SUPT3H: variants seen among roughly 807,000 people sequenced by gnomAD.
SUPT3H encodes the protein SPT3 homolog, SAGA and STAGA complex component.
In SUPT3H, 44 loss-of-function variants were observed where a neutral mutation model predicts 44.3. The ratio of observed to expected loss-of-function variants is 0.99; its 90% CI spans 0.78 to 1.28. The LOEUF (loss-of-function observed/expected upper bound fraction) is 1.28, where lower values mean the gene tolerates loss of function less well. SUPT3H is among the 50% of genes most tolerant of loss of function. The pLI is 0.00. For synonymous variants in SUPT3H, 124 were observed against 125.6 expected, an observed-to-expected ratio of 0.99 and a Z score of 0.09; for missense variants, 380 against 387.1, an observed-to-expected ratio of 0.98 and a Z score of 0.15.
At chr6:45,201,544 G>A (rs1017444896) in intron 2 of SUPT3H, among the ~76,000 whole-genome samples, 5 of 151,618 alleles carry the variant, frequency 3.3e-5, no homozygotes, top group Non-Finnish European at 7.4e-5. Flanking sequence ...GCTGAAAGTG[G>A]AAAAAAACAT....
At chr6:45,265,956 A>G (rs188947313) in intron 2 of SUPT3H, among the ~76,000 whole-genome samples, 7 of 152,216 alleles carry the variant, frequency 4.6e-5, no homozygotes, top group Admixed American at 3.3e-4. Flanking sequence ...GCCCAAATAT[A>G]AGTCACCTTT....
chr6:45,244,865 T>C (rs940520924), intron 2 of SUPT3H, among the ~76,000 whole-genome samples: 7 of 152,168 alleles, frequency 4.6e-5, no homozygotes, highest in Non-Finnish European at 7.4e-5. Context: ...GTTTTCTATG[T>C]GCTTATAATA....
chr6:45,228,557 T>C (rs1584376044), intron 2 of SUPT3H, among the ~76,000 whole-genome samples: 1 of 152,336 alleles, frequency 6.6e-6, no homozygotes, highest in African/African-American at 2.4e-5. Flanking sequence ...CAACTCTTTA[T>C]AATAAATCTC....
intron 2 of SUPT3H, among the ~76,000 whole-genome samples, chr6:45,143,299 T>C (rs564759898): frequency 2.6e-5 from 4 of 152,250 alleles, no homozygotes; most frequent in South Asian, 4.1e-4. Flanking sequence ...GACCATATGA[T>C]AGGCCACAAA....
At chr6:44,848,211 C>T (rs1262412590) in intron 10 of SUPT3H, among the ~76,000 whole-genome samples, 4 of 152,084 alleles carry the variant, frequency 2.6e-5, no homozygotes, top group Middle Eastern at 3.4e-3. Context: ...CTCAAGTGAT[C>T]CACCTGTCTC....
chr6:45,222,640 T>C (rs1766248714), intron 2 of SUPT3H, among the ~76,000 whole-genome samples: 1 of 152,190 alleles, frequency 6.6e-6, no homozygotes. Context: ...TATCAGTTTC[T>C]TTAAAAAATT....
chr6:45,200,755 G>T (rs1380724689), intron 2 of SUPT3H, among the ~76,000 whole-genome samples: 1 of 150,976 alleles, frequency 6.6e-6, no homozygotes, highest in Non-Finnish European at 1.5e-5. Flanking sequence ...TGTAATATAA[G>T]ATTTTTTTTT....
chr6:45,134,638 G>A (rs932573326), intron 2 of SUPT3H, among the ~76,000 whole-genome samples: 1 of 142,272 alleles, frequency 7.0e-6, no homozygotes, highest in African/African-American at 2.5e-5. Flanking sequence ...TGAAGGCATA[G>A]GACAGACATT....
chr6:45,205,031 T>C (rs939916655), intron 2 of SUPT3H, among the ~76,000 whole-genome samples: 2 of 152,192 alleles, frequency 1.3e-5, no homozygotes, highest in African/African-American at 2.4e-5. Flanking sequence ...AGTACTTTCA[T>C]TTTAACTATA....
intron 2 of SUPT3H, among the ~76,000 whole-genome samples, chr6:45,217,277 C>A (rs1348110047): frequency 2.0e-5 from 3 of 151,710 alleles, no homozygotes; most frequent in African/African-American, 7.3e-5. Context: ...GAGTCCAAGA[C>A]CAACCTGACC....
At chr6:44,988,798 AAT>A (rs1780192557) in intron 6 of SUPT3H, among the ~76,000 whole-genome samples, 1 of 152,108 alleles carries the variant, frequency 6.6e-6, no homozygotes, top group Admixed American at 6.6e-5. Flanking sequence ...TGCTTCCACT[AAT>A]ATGAGATTGT....
intron 3 of SUPT3H, among the ~76,000 whole-genome samples, chr6:45,073,409 A>G (rs1346909654): frequency 6.6e-6 from 1 of 152,070 alleles, no homozygotes; most frequent in Non-Finnish European, 1.5e-5. Flanking sequence ...TGGAAAGCTC[A>G]GAAAATACAA....
At chr6:45,031,190 TAAAA>T (rs1373848122) in intron 3 of SUPT3H, among the ~76,000 whole-genome samples, 1 of 152,142 alleles carries the variant, frequency 6.6e-6, no homozygotes, top group Non-Finnish European at 1.5e-5. Context: ...GAAGAACTCA[TAAAA>T]AAGTTTATAA....
chr6:44,836,506 T>G (rs1422556968), intron 10 of SUPT3H, among the ~76,000 whole-genome samples: 1 of 152,144 alleles, frequency 6.6e-6, no homozygotes, highest in Non-Finnish European at 1.5e-5. Flanking sequence ...CCAGAGCCCA[T>G]AAATCTTGAG....
chr6:44,935,630 T>A (rs1357156451), intron 9 of SUPT3H, among the ~76,000 whole-genome samples: 1 of 152,196 alleles, frequency 6.6e-6, no homozygotes, highest in Non-Finnish European at 1.5e-5. Flanking sequence ...TTGGCTGCAT[T>A]CACACTCTAT....
At chr6:45,275,173 T>A (rs1268946761) in intron 2 of SUPT3H, among the ~76,000 whole-genome samples, 2 of 152,104 alleles carry the variant, frequency 1.3e-5, no homozygotes, top group Non-Finnish European at 2.9e-5. Context: ...AATATTAACA[T>A]CACAAAATAA....
At chr6:45,140,309 A>T (rs1483533030) in intron 2 of SUPT3H, among the ~76,000 whole-genome samples, 1 of 152,016 alleles carries the variant, frequency 6.6e-6, no homozygotes, top group African/African-American at 2.4e-5. Context: ...AACACAAGAG[A>T]TGTAACTTTT....
At chr6:44,829,942 C>G (rs1561845949) in intron 10 of SUPT3H, 85 bp from the exon 11 acceptor site, 4 of 1,269,312 alleles carry the variant, frequency 3.2e-6, no homozygotes, top group Non-Finnish European at 4.6e-6. Flanking sequence ...AGCCCTCTTC[C>G]TGTTTTGTAG....
chr6:45,173,792 C>T (rs113671545), intron 2 of SUPT3H, among the ~76,000 whole-genome samples: 34 of 152,292 alleles, frequency 2.2e-4, no homozygotes, highest in African/African-American at 7.9e-4. Flanking sequence ...TTAAGTCATG[C>T]CAATAGCAAA....
Sources: allele counts gnomAD v4.1 joint callset (sites outside exome capture counted in the v4.1 genomes callset), GRCh38; gene constraint gnomAD v4.1.1; transcripts MANE v1.5; gene names NCBI Gene and HGNC (gene_info 2026-07-23, HGNC 2026-07-21).